Variants in TPST1 observed in about 807,000 individuals in gnomAD.
TPST1 encodes the protein protein-tyrosine sulfotransferase 1.
TPST1 carries 20 observed loss-of-function variants against 34.8 expected under a neutral mutation model. The ratio of observed to expected loss-of-function variants is 0.57; its 90% CI spans 0.40 to 0.84. The LOEUF (loss-of-function observed/expected upper bound fraction) is 0.84. TPST1 is among the 40% of genes least tolerant of loss of function. The probability of loss-of-function intolerance (pLI) is 0.00; values close to 1 mark genes in which losing one functional copy is unlikely to be tolerated. For synonymous variants in TPST1, 152 were observed against 159.4 expected (o/e 0.95, Z 0.35); for missense variants, 353 against 455.5 (o/e 0.78, Z 2.05).
At chr7:66,241,454 C>T (rs970085892) in intron 2 of TPST1, among the ~76,000 whole-genome samples, 184 bp downstream of exon 2, 2 of 152,100 alleles carry the variant, frequency 1.3e-5, no homozygotes, top group Non-Finnish European at 2.9e-5. Context: ...TAATTCTCTA[C>T]TAGTTTATTA....
chr7:66,335,638 T>G (rs1382554721), intron 3 of TPST1, among the ~76,000 whole-genome samples: 3 of 152,142 alleles, frequency 2.0e-5, no homozygotes, highest in Non-Finnish European at 4.4e-5. Flanking sequence ...TTTAGTGCAG[T>G]GTTTTGAACG....
At chr7:66,313,200 G>T (rs1179008518) in intron 3 of TPST1, among the ~76,000 whole-genome samples, 1 of 152,134 alleles carries the variant, frequency 6.6e-6, no homozygotes, top group African/African-American at 2.4e-5. Flanking sequence ...CAGATCACAA[G>T]GTTAGGAGTT....
chr7:66,228,120 G>A (rs1272489399), intron 1 of TPST1, among the ~76,000 whole-genome samples: 2 of 151,910 alleles, frequency 1.3e-5, no homozygotes, highest in Non-Finnish European at 2.9e-5. Flanking sequence ...TTCTTTTTTT[G>A]TTTTTCAAAA....
At chr7:66,262,776 GA>G (rs1790513415) in intron 2 of TPST1, among the ~76,000 whole-genome samples, 1 of 152,162 alleles carries the variant, frequency 6.6e-6, no homozygotes, top group South Asian at 2.1e-4. Flanking sequence ...TGCTGATAAG[GA>G]AATGTGTGTT....
intron 2 of TPST1, among the ~76,000 whole-genome samples, chr7:66,263,613 T>C (rs541639092): frequency 6.6e-6 from 1 of 152,334 alleles, no homozygotes; most frequent in African/African-American, 2.4e-5. Context: ...TGGAATCTGA[T>C]ACTGTTGAAT....
At chr7:66,335,664 T>C (rs1449876270) in intron 3 of TPST1, among the ~76,000 whole-genome samples, 1 of 152,146 alleles carries the variant, frequency 6.6e-6, no homozygotes, top group African/African-American at 2.4e-5. Context: ...GCAAGTTAGT[T>C]CTGTTTTAGT....
In TPST1 at chr7:66,324,745, G is replaced by C. The variant is rs553355405; in HGVS notation, c.1045-27760G>C. ...ACTCGGGAGGCAGAGGTTTTGCAGT[G>C]ATCCAAGACTGTGCCACTGCACTCC... On this transcript the variant is annotated intron_variant, in intron 3 of 5. Coordinates refer to ENST00000304842, the MANE Select transcript of TPST1 (RefSeq NM_003596.4). Among the ~76,000 whole-genome samples, 3 of 140,682 alleles carry C rather than the reference G, an allele frequency of 2.1e-5. No homozygotes were observed. The South Asian group carries it at 7.2e-4, about 34-fold the overall frequency. 92.3% of individuals were successfully genotyped at this position (140,682 alleles called of 152,430 possible).
chr7:66,323,702 A>G (rs145844055), intron 3 of TPST1, among the ~76,000 whole-genome samples: 135 of 152,354 alleles, frequency 8.9e-4, no homozygotes, highest in Non-Finnish European at 1.4e-3. Context: ...AATTTACATC[A>G]CCCAATTAGT....
At chr7:66,343,594 A>C (rs928807549) in intron 3 of TPST1, among the ~76,000 whole-genome samples, 1 of 152,224 alleles carries the variant, frequency 6.6e-6, no homozygotes, top group Non-Finnish European at 1.5e-5. Context: ...AATGTAACCT[A>C]TACAGCTACA....
At position 66,322,777 on chromosome 7, in the gene TPST1, A is replaced by AT. The variant is rs1321177634; in HGVS notation, c.1045-29722dup. 2.0e-5 allele frequency among the ~76,000 whole-genome samples: 3 copies of AT among 152,056 alleles called. No individual in the cohort carries two copies. The East Asian group carries it at 5.8e-4, about 29-fold the overall frequency. ...AATTGCTGAATTATATGGGAGTTCT[A>AT]TTTTTTATTTTTTCAGGAAGCTGCC... On this transcript the variant is annotated intron_variant, in intron 3 of 5. Coordinates refer to ENST00000304842, the MANE Select transcript of TPST1 (RefSeq NM_003596.4).
intron 1 of TPST1, among the ~76,000 whole-genome samples, chr7:66,215,775 CTT>C (rs71051344): frequency 8.9e-5 from 3 of 33,552 alleles, no homozygotes; most frequent in Non-Finnish European, 1.2e-4. Context: ...CTTTTTCTTT[CTT>C]TTTTTTTTTT....
chr7:66,283,993 C>A (rs1790982816), intron 2 of TPST1, among the ~76,000 whole-genome samples: 2 of 152,102 alleles, frequency 1.3e-5, no homozygotes, highest in South Asian at 4.1e-4. Flanking sequence ...TATAAAATGT[C>A]ATTTCTGCTG....
intron 4 of TPST1, among the ~76,000 whole-genome samples, chr7:66,356,466 A>C (rs1185926591): frequency 2.6e-5 from 4 of 151,738 alleles, no homozygotes; most frequent in South Asian, 2.1e-4. Flanking sequence ...TCTCCAGCCA[A>C]CCTCCCCTCC....
At chr7:66,334,402 G>A (rs780455414) in intron 3 of TPST1, among the ~76,000 whole-genome samples, 41 of 152,198 alleles carry the variant, frequency 2.7e-4, no homozygotes, top group Admixed American at 2.0e-3. Flanking sequence ...TTGGGAGGCC[G>A]AAACGTGTGG....
chr7:66,260,680 A>C (rs1790469801), intron 2 of TPST1, among the ~76,000 whole-genome samples: 1 of 152,100 alleles, frequency 6.6e-6, no homozygotes, highest in Non-Finnish European at 1.5e-5. Flanking sequence ...ATATTTTTGT[A>C]GTTCTGCAAA....
intron 3 of TPST1, among the ~76,000 whole-genome samples, chr7:66,323,026 C>T (rs1378622399): frequency 2.6e-5 from 4 of 151,968 alleles, no homozygotes; most frequent in Non-Finnish European, 5.9e-5. Flanking sequence ...TGATGTTGAG[C>T]ATCTTTTCAT....
chr7:66,283,080 C>A (rs1790964086), intron 2 of TPST1, among the ~76,000 whole-genome samples: 1 of 152,048 alleles, frequency 6.6e-6, no homozygotes, highest in African/African-American at 2.4e-5. Flanking sequence ...ACCAGCCTGG[C>A]CAATGTGGCA....
At chr7:66,328,011 C>T (rs1185568058) in intron 3 of TPST1, among the ~76,000 whole-genome samples, 190 of 39,434 alleles carry the variant, frequency 4.8e-3, no homozygotes, top group Middle Eastern at 0.015. Context: ...TTTTCCTTTC[C>T]TTTTTTTTTT....
chr7:66,255,684 A>G (rs564727967), intron 2 of TPST1, among the ~76,000 whole-genome samples: 7 of 152,332 alleles, frequency 4.6e-5, no homozygotes, highest in East Asian at 1.9e-4. Context: ...CTATTTTCAC[A>G]ATGGTACTAA....
Sources: gnomAD v4.1 joint callset for allele counts (sites outside exome capture counted in the v4.1 genomes callset) on GRCh38, gnomAD v4.1.1 for gene constraint, MANE v1.5 for transcripts, NCBI Gene and HGNC (gene_info 2026-07-23, HGNC 2026-07-21) for gene names.